Variants in ROBO1 observed in about 807,000 individuals in gnomAD.
ROBO1 encodes the protein roundabout guidance receptor 1.
Under a neutral mutation model 195.9 loss-of-function variants are expected in ROBO1, and 149 were observed. That is an observed-to-expected ratio of 0.76 (90% CI 0.67 to 0.87). The LOEUF (loss-of-function observed/expected upper bound fraction) is 0.87, where lower values mean the gene tolerates loss of function less well. ROBO1 is among the 40% of genes least tolerant of loss of function. The probability of loss-of-function intolerance (pLI) is 0.00; values close to 1 mark genes in which losing one functional copy is unlikely to be tolerated. For missense variants in ROBO1, 1,933 were observed against 2,068.3 expected (o/e 0.93, Z 1.27); for synonymous variants, 816 against 733.2 (o/e 1.11, Z -1.82).
At chr3:79,747,364 C>G (rs1232839229) in intron 1 of ROBO1, among the ~76,000 whole-genome samples, 3 of 151,904 alleles carry the variant, frequency 2.0e-5, no homozygotes, top group South Asian at 2.1e-4. Flanking sequence ...TATGTACATA[C>G]AGATTTTAAA....
intron 2 of ROBO1, among the ~76,000 whole-genome samples, chr3:79,537,606 C>G (rs1941921383): frequency 6.6e-6 from 1 of 152,084 alleles, no homozygotes; most frequent in South Asian, 2.1e-4. Flanking sequence ...CAAGCTCGTC[C>G]AATCCACGAC....
At chr3:79,644,482 A>C (rs36022026) in intron 1 of ROBO1, among the ~76,000 whole-genome samples, 7,629 of 152,280 alleles carry the variant, frequency 0.05, 203 homozygotes, top group Non-Finnish European at 0.072. Flanking sequence ...AAAAGCAGCA[A>C]GTCAGGACTT....
intron 2 of ROBO1, among the ~76,000 whole-genome samples, chr3:79,194,833 T>C (rs1321347348): frequency 1.3e-5 from 2 of 151,598 alleles, no homozygotes; most frequent in Admixed American, 1.3e-4. Flanking sequence ...CCCCATAAAA[T>C]TGGAAGTGTA....
At chr3:78,752,421 CAGT>C (rs980158918) in intron 4 of ROBO1, among the ~76,000 whole-genome samples, 1 of 151,994 alleles carries the variant, frequency 6.6e-6, no homozygotes, top group African/African-American at 2.4e-5. Context: ...TTTTGGGAAA[CAGT>C]AATACAATAG....
intron 3 of ROBO1, among the ~76,000 whole-genome samples, chr3:78,958,168 T>C (rs1347507658): frequency 6.6e-6 from 1 of 152,230 alleles, no homozygotes; most frequent in Admixed American, 6.5e-5. Flanking sequence ...CATAAACGTC[T>C]GCTTTGGAAA....
chr3:78,844,008 C>T (rs932460368), intron 4 of ROBO1, among the ~76,000 whole-genome samples: 2 of 152,058 alleles, frequency 1.3e-5, no homozygotes, highest in Non-Finnish European at 2.9e-5. Flanking sequence ...ACCAAGAAGA[C>T]TGTATTAACT....
intron 29 of ROBO1, among the ~76,000 whole-genome samples, chr3:78,606,529 G>A (rs1559636880): frequency 6.6e-6 from 1 of 151,968 alleles, no homozygotes; most frequent in African/African-American, 2.4e-5. Flanking sequence ...ATCTAACTCA[G>A]TTGGCACCTC....
At chr3:79,239,288 T>A (rs1218450666) in intron 2 of ROBO1, among the ~76,000 whole-genome samples, 2 of 152,184 alleles carry the variant, frequency 1.3e-5, no homozygotes, top group African/African-American at 4.8e-5. Flanking sequence ...ACAGGTATCA[T>A]GTAAAAGTTA....
chr3:78,641,556 A>G (rs1183227769), intron 21 of ROBO1, among the ~76,000 whole-genome samples: 1 of 152,182 alleles, frequency 6.6e-6, no homozygotes, highest in Admixed American at 6.5e-5. Flanking sequence ...CTTGAAATAG[A>G]TATTAGTTAT....
At chr3:79,333,309 G>T (rs1289543883) in intron 2 of ROBO1, among the ~76,000 whole-genome samples, 1 of 151,472 alleles carries the variant, frequency 6.6e-6, no homozygotes, top group Admixed American at 6.6e-5. Flanking sequence ...CCTTTGAAAT[G>T]TCTTTGATTT....
intron 3 of ROBO1, among the ~76,000 whole-genome samples, chr3:78,955,130 T>C (rs1028932468): frequency 2.7e-5 from 4 of 150,672 alleles, no homozygotes; most frequent in African/African-American, 9.8e-5. Flanking sequence ...GTAAACTGTG[T>C]GTCATGGAGT....
intron 8 of ROBO1, among the ~76,000 whole-genome samples, chr3:78,703,010 C>G (rs1043505986): frequency 2.6e-5 from 4 of 152,120 alleles, no homozygotes; most frequent in Admixed American, 1.3e-4. Context: ...GAATGCCTTT[C>G]TTTTGATTAA....
At chr3:79,015,619 A>G (rs1004731752) in intron 3 of ROBO1, among the ~76,000 whole-genome samples, 1 of 152,172 alleles carries the variant, frequency 6.6e-6, no homozygotes, top group African/African-American at 2.4e-5. Context: ...CAAACTCACC[A>G]GAAGTCTGTC....
At chr3:79,137,784 C>A (rs1463106767) in intron 2 of ROBO1, among the ~76,000 whole-genome samples, 1 of 151,984 alleles carries the variant, frequency 6.6e-6, no homozygotes, top group African/African-American at 2.4e-5. Flanking sequence ...CACTACACAC[C>A]ATGACCTCCT....
intron 2 of ROBO1, among the ~76,000 whole-genome samples, chr3:79,139,073 C>A (rs1037497107): frequency 6.6e-6 from 1 of 151,462 alleles, no homozygotes; most frequent in African/African-American, 2.4e-5. Flanking sequence ...CTAGCTACAC[C>A]AGACTGATGA....
intron 2 of ROBO1, among the ~76,000 whole-genome samples, chr3:79,405,506 G>T (rs1033759157): frequency 6.6e-6 from 1 of 152,148 alleles, no homozygotes; most frequent in Non-Finnish European, 1.5e-5. Context: ...ATTACACTGT[G>T]AGCTTCAGGC....
chr3:79,702,453 CTGGTTAT>C (rs1461688805), intron 1 of ROBO1, among the ~76,000 whole-genome samples: 3 of 151,806 alleles, frequency 2.0e-5, no homozygotes, highest in Non-Finnish European at 2.9e-5. Flanking sequence ...AAATCTTGTG[CTGGTTAT>C]TTTCTGATCC....
chr3:78,674,776 T>C (rs921330247), intron 10 of ROBO1, among the ~76,000 whole-genome samples: 1 of 152,214 alleles, frequency 6.6e-6, no homozygotes, highest in African/African-American at 2.4e-5. Flanking sequence ...AAATTATAAT[T>C]ATAAAAATTG....
chr3:79,194,659 A>T (rs1476784331), intron 2 of ROBO1, among the ~76,000 whole-genome samples: 1 of 151,672 alleles, frequency 6.6e-6, no homozygotes, highest in Admixed American at 6.6e-5. Flanking sequence ...TGAAATTCCA[A>T]ATGGCATTCA....
Sources: gnomAD v4.1 joint callset for allele counts (sites outside exome capture counted in the v4.1 genomes callset) on GRCh38, gnomAD v4.1.1 for gene constraint, MANE v1.5 for transcripts, NCBI Gene and HGNC (gene_info 2026-07-23, HGNC 2026-07-21) for gene names.